The following GRIN2B variants were observed in gnomAD, a reference collection of about 807,000 sequenced individuals.
GRIN2B encodes glutamate ionotropic receptor NMDA type subunit 2B, also known as glutamate receptor ionotropic, NMDA 2B.
Under a neutral mutation model 114.5 loss-of-function variants are expected in GRIN2B, and 5 were observed. The ratio of observed to expected loss-of-function variants is 0.04; its 90% CI spans 0.02 to 0.09. The LOEUF is 0.09. Among genes scored for constraint, GRIN2B ranks in the 10% least tolerant of loss-of-function variants. The pLI, the probability that GRIN2B is intolerant of heterozygous loss-of-function variation, is 1.00. For missense variants in GRIN2B, 1,108 were observed against 1,943.5 expected (o/e 0.57, Z 8.08); for synonymous variants, 787 against 745.1 (o/e 1.06, Z -0.92).
intron 2 of GRIN2B, among the ~76,000 whole-genome samples, chr12:13,886,052 A>C (rs149956692): frequency 1.4e-3 from 209 of 152,260 alleles, no homozygotes; most frequent in African/African-American, 4.4e-3. Context: ...AGAGTGCAAA[A>C]AAGCCAATTG....
At chr12:13,767,238 C>A (rs1283179597) in intron 3 of GRIN2B, among the ~76,000 whole-genome samples, 1 of 129,970 alleles carries the variant, frequency 7.7e-6, no homozygotes, top group South Asian at 2.4e-4. Flanking sequence ...CCAGCCTGTG[C>A]GAAAGTACAG....
chr12:13,753,343 T>C lies in GRIN2B; in HGVS notation c.984A>G (p.Arg328=). ...KSSCYNTHEK[R]IYQSNMLNRY... ...TATTTAGCATATTGGACTGGTAGAT[T>C]CTCTTCTCGTGGGTGTTGTAACAAC... is the stretch of plus-strand genomic sequence containing the variant. The change falls in exon 4 of 14, where the codon AGA becomes AGG. Residue 328 remains arginine, a synonymous_variant. Coordinates refer to ENST00000609686, the MANE Select transcript of GRIN2B (RefSeq NM_000834.5). This position sits in a 1 kb window ranked among gnomAD's most constrained non-coding sequence, Gnocchi z 6.2. 1 of 1,604,056 alleles carries C rather than the reference T, an allele frequency of 6.2e-7. No individual in the cohort carries two copies. The highest frequency in any genetic ancestry group is 8.5e-7 in the Non-Finnish European group (1 of 1,170,824).
intron 2 of GRIN2B, among the ~76,000 whole-genome samples, chr12:13,935,075 G>A (rs534665652): frequency 4.6e-5 from 7 of 152,252 alleles, no homozygotes; most frequent in Admixed American, 3.3e-4. Flanking sequence ...TCCTGGGACT[G>A]TAAGATAGAG....
At chr12:13,972,648 AGTGGACGTGGCTGACCACATTAT>A (rs1862947511) in intron 2 of GRIN2B, among the ~76,000 whole-genome samples, 1 of 152,238 alleles carries the variant, frequency 6.6e-6, no homozygotes, top group African/African-American at 2.4e-5. Context: ...AATGAGGGTC[AGTGGACGTGGCTGACCACATTAT>A]GTGGCTTTAG....
intron 5 of GRIN2B, among the ~76,000 whole-genome samples, chr12:13,646,663 TCTTCTC>T (rs531412142): frequency 3.9e-5 from 6 of 152,154 alleles, no homozygotes; most frequent in Admixed American, 3.3e-4. Flanking sequence ...CTCCTCCTCC[TCTTCTC>T]CTTCTCCTTC....
At chr12:13,905,676 G>A (rs1251834920) in intron 2 of GRIN2B, among the ~76,000 whole-genome samples, 1 of 152,086 alleles carries the variant, frequency 6.6e-6, no homozygotes, top group African/African-American at 2.4e-5. Context: ...CTTCTGCCAG[G>A]TGCTTAAAAG....
At position 13,709,364 on chromosome 12, in the gene GRIN2B, CA is replaced by C. The variant is rs199811055; in HGVS notation, c.1011-33506del. 1.5e-4 allele frequency among the ~76,000 whole-genome samples: 23 copies of C among 152,086 alleles called. No homozygotes were observed. In the East Asian group the frequency reaches 2.3e-3, roughly 15 times the overall value. On this transcript the variant is annotated intron_variant, in intron 4 of 13. Transcript: ENST00000609686. Reference sequence around the variant, plus strand: ...CCAACATTGTGATGACACAAATGTTCAAATTATCTGACCAAGATTTTAAAGC... The same window carrying C: ...CCAACATTGTGATGACACAAATGTTCAATTATCTGACCAAGATTTTAAAGC...
chr12:13,796,934 A>G (rs220563), intron 3 of GRIN2B, among the ~76,000 whole-genome samples: 117,952 of 152,112 alleles, frequency 0.78, 46,103 homozygotes, highest in East Asian at 0.98. Context: ...TATTTGACAA[A>G]CAATATGATT....
chr12:13,896,486 G>A (rs545253015), intron 2 of GRIN2B, among the ~76,000 whole-genome samples: 5 of 152,302 alleles, frequency 3.3e-5, no homozygotes, highest in South Asian at 2.1e-4. Flanking sequence ...AAAAATGGAC[G>A]ATTAAAGGGA....
At chr12:13,719,106 C>T (rs1950485453) in intron 4 of GRIN2B, among the ~76,000 whole-genome samples, 2 of 152,008 alleles carry the variant, frequency 1.3e-5, no homozygotes, top group South Asian at 4.1e-4. Context: ...TAACTCATCA[C>T]CACGCACTCT....
intron 4 of GRIN2B, among the ~76,000 whole-genome samples, chr12:13,717,068 T>TGC (rs1950461933): frequency 3.0e-5 from 1 of 32,874 alleles, no homozygotes; most frequent in Non-Finnish European, 4.8e-5. Context: ...GCCATACGCG[T>TGC]GTGTGTGTGT....
At chr12:13,669,794 A>G (rs1055027075) in intron 5 of GRIN2B, among the ~76,000 whole-genome samples, 2 of 152,166 alleles carry the variant, frequency 1.3e-5, no homozygotes, top group African/African-American at 4.8e-5. Flanking sequence ...AAAGCTTTCA[A>G]GTAATATCAA....
At chr12:13,686,836 C>A (rs1950177583) in intron 4 of GRIN2B, among the ~76,000 whole-genome samples, 1 of 152,108 alleles carries the variant, frequency 6.6e-6, no homozygotes, top group Admixed American at 6.6e-5. Context: ...CCCCTCCAAA[C>A]CTCATGTTGA....
At chr12:13,850,851 T>C (rs1865550247) in intron 3 of GRIN2B, among the ~76,000 whole-genome samples, 1 of 152,194 alleles carries the variant, frequency 6.6e-6, no homozygotes, top group South Asian at 2.1e-4. Context: ...GTTTCCACAC[T>C]GCCATTAATA....
intron 2 of GRIN2B, among the ~76,000 whole-genome samples, chr12:13,933,331 T>C (rs1316932371): frequency 6.6e-6 from 1 of 152,194 alleles, no homozygotes; most frequent in Non-Finnish European, 1.5e-5. Flanking sequence ...GGGCAGCATC[T>C]TCTATCCAAT....
intron 4 of GRIN2B, among the ~76,000 whole-genome samples, chr12:13,742,005 A>C (rs575056491): frequency 6.6e-6 from 1 of 152,364 alleles, no homozygotes; most frequent in South Asian, 2.1e-4. Flanking sequence ...TTTAAAGTAC[A>C]GGCTTTTTCT....
chr12:13,842,720 T>C (rs532388330), intron 3 of GRIN2B, among the ~76,000 whole-genome samples: 1 of 152,154 alleles, frequency 6.6e-6, no homozygotes, highest in Non-Finnish European at 1.5e-5. Context: ...AAAAGTAGGC[T>C]AACTTCTACA....
At chr12:13,579,559 A>G (rs1380748794) in intron 10 of GRIN2B, among the ~76,000 whole-genome samples, 2 of 152,204 alleles carry the variant, frequency 1.3e-5, no homozygotes, top group Non-Finnish European at 2.9e-5. Flanking sequence ...TATTGTTACT[A>G]TCATTATTAC....
intron 3 of GRIN2B, among the ~76,000 whole-genome samples, chr12:13,769,478 G>C (rs951635317): frequency 6.6e-6 from 1 of 152,052 alleles, no homozygotes; most frequent in Non-Finnish European, 1.5e-5. Context: ...GAGCTGTAAG[G>C]GTATACATTT....
Sources: gnomAD v4.1 joint callset for allele counts (sites outside exome capture counted in the v4.1 genomes callset) on GRCh38, gnomAD v4.1.1 for gene constraint, Gnocchi (gnomAD v3.1) non-coding constraint, MANE v1.5 for transcripts, NCBI Gene and HGNC (gene_info 2026-07-23, HGNC 2026-07-21) for gene names.